The following PDE11A variants were observed in gnomAD, a reference collection of about 807,000 sequenced individuals.
PDE11A encodes the protein phosphodiesterase 11A, also known as dual 3',5'-cyclic-AMP and -GMP phosphodiesterase 11A.
A neutral mutation model predicts 100.5 loss-of-function variants in PDE11A; 100 were observed. The ratio of observed to expected loss-of-function variants is 1.00; its 90% CI spans 0.85 to 1.18. The LOEUF (loss-of-function observed/expected upper bound fraction) is 1.18. Among genes scored for constraint, PDE11A ranks in the 50% most tolerant of loss-of-function variants. The probability of loss-of-function intolerance (pLI) is 0.00; values close to 1 mark genes in which losing one functional copy is unlikely to be tolerated. For synonymous variants in PDE11A, 381 were observed against 420.8 expected (o/e 0.91, Z 1.16); for missense variants, 1,141 against 1,152.6 (o/e 0.99, Z 0.15).
chr2:177,840,141 A>G (rs1379384215), intron 6 of PDE11A, 110 bp downstream of exon 6: 2 of 1,128,390 alleles, frequency 1.8e-6, no homozygotes, highest in Non-Finnish European at 2.6e-6. Flanking sequence ...ATAAGATCAC[A>G]GGGGAAGGAT....
chr2:178,052,044 A>G (rs142475587), intron 1 of PDE11A, among the ~76,000 whole-genome samples: 80,080 of 150,790 alleles, frequency 0.53, 21,479 homozygotes, highest in East Asian at 0.7. Flanking sequence ...CTCCACCGCA[A>G]ATCAACAGAA....
chr2:177,936,789 C>T (rs2085279849), intron 2 of PDE11A, among the ~76,000 whole-genome samples: 1 of 151,938 alleles, frequency 6.6e-6, no homozygotes, highest in Non-Finnish European at 1.5e-5. Context: ...GGTTTGGTTG[C>T]CAGCGCCTGT....
intron 13 of PDE11A, among the ~76,000 whole-genome samples, chr2:177,702,036 TA>T (rs2105542832): frequency 6.6e-6 from 1 of 152,376 alleles, no homozygotes. Context: ...TAGTAGATTG[TA>T]GTCTGTATTA....
chr2:177,762,566 C>A (rs141403357), intron 10 of PDE11A, among the ~76,000 whole-genome samples: 4 of 152,098 alleles, frequency 2.6e-5, no homozygotes, highest in African/African-American at 7.2e-5. Context: ...TTGTTCCTAG[C>A]GCTCTGAAAC....
intron 2 of PDE11A, among the ~76,000 whole-genome samples, chr2:177,987,750 A>C (rs1461490316): frequency 6.6e-6 from 1 of 152,168 alleles, no homozygotes; most frequent in African/African-American, 2.4e-5. Context: ...GACATTTCTC[A>C]GTTGTGTTTT....
At chr2:177,872,688 C>T (rs2105690235) in intron 5 of PDE11A, among the ~76,000 whole-genome samples, 1 of 152,196 alleles carries the variant, frequency 6.6e-6, no homozygotes, top group African/African-American at 2.4e-5. Context: ...ACTAAAGTAT[C>T]TAATAGACAT....
chr2:177,951,001 G>A (rs977760026), intron 2 of PDE11A, among the ~76,000 whole-genome samples: 1 of 152,180 alleles, frequency 6.6e-6, no homozygotes, highest in African/African-American at 2.4e-5. Context: ...TGAAGAAACT[G>A]TGATATAGAC....
intron 18 of PDE11A, among the ~76,000 whole-genome samples, chr2:177,665,031 G>A (rs1166492465): frequency 6.6e-6 from 1 of 152,126 alleles, no homozygotes; most frequent in African/African-American, 2.4e-5. Context: ...TGGGGAGAAG[G>A]TCACTGATTC....
At chr2:177,835,156 A>T (rs556316937) in intron 6 of PDE11A, among the ~76,000 whole-genome samples, 8 of 152,144 alleles carry the variant, frequency 5.3e-5, no homozygotes, top group Non-Finnish European at 1.0e-4. Flanking sequence ...GGTTGCCAGG[A>T]CTTGAAGATA....
intron 2 of PDE11A, among the ~76,000 whole-genome samples, chr2:177,947,042 G>A (rs1287298561): frequency 3.6e-5 from 4 of 111,058 alleles, no homozygotes; most frequent in Admixed American, 8.2e-5. Context: ...CCGGCCAGCC[G>A]CCCCGTCCGG....
chr2:177,925,556 G>A (rs567710533), intron 2 of PDE11A, among the ~76,000 whole-genome samples: 15 of 152,182 alleles, frequency 9.9e-5, no homozygotes, highest in African/African-American at 2.9e-4. Flanking sequence ...CATGTCCTTC[G>A]CCCACTTTTT....
At chr2:178,013,130 A>G (rs1039872018) in intron 2 of PDE11A, among the ~76,000 whole-genome samples, 1 of 152,186 alleles carries the variant, frequency 6.6e-6, no homozygotes, top group East Asian at 1.9e-4. Flanking sequence ...TTTCAGATCC[A>G]AGTGAGAACA....
chr2:177,666,167 A>G (rs915262133), intron 18 of PDE11A, among the ~76,000 whole-genome samples: 1 of 152,218 alleles, frequency 6.6e-6, no homozygotes, highest in Non-Finnish European at 1.5e-5. Flanking sequence ...TATAAATGCA[A>G]TCTTATGATA....
Position 177,814,006 on chromosome 2 carries a change from C to T in PDE11A, c.1737+2823G>A, listed in dbSNP as rs1184568651. Among the ~76,000 whole-genome samples, 6 of 151,944 alleles carry T rather than the reference C, an allele frequency of 3.9e-5. No individual in the cohort carries two copies. In the East Asian group the frequency reaches 9.7e-4, roughly 24 times the overall value. ...ACCTGAGTGGGGAATCTTCCCTTAGCCACAGTGGAAAAGGGGAAAGCACTA... is the reference window on the plus strand; with the variant it reads ...ACCTGAGTGGGGAATCTTCCCTTAGTCACAGTGGAAAAGGGGAAAGCACTA... On this transcript the variant is annotated intron_variant, in intron 9 of 19. Coordinates refer to ENST00000286063, the MANE Select transcript of PDE11A (RefSeq NM_016953.4).
chr2:178,066,480 C>T (rs12618606), intron 1 of PDE11A, among the ~76,000 whole-genome samples: 77,233 of 151,934 alleles, frequency 0.51, 20,268 homozygotes, highest in East Asian at 0.71. Context: ...GGTTCACATA[C>T]AGTCTCCCCT....
chr2:177,981,488 T>C (rs1015952856), intron 2 of PDE11A, among the ~76,000 whole-genome samples: 11 of 150,618 alleles, frequency 7.3e-5, no homozygotes, highest in African/African-American at 2.7e-4. Flanking sequence ...GCATTCTCCC[T>C]GTATCTCTTC....
chr2:178,067,147 A>G (rs1033261215), intron 1 of PDE11A, among the ~76,000 whole-genome samples: 1 of 151,502 alleles, frequency 6.6e-6, no homozygotes, highest in Non-Finnish European at 1.5e-5. Context: ...GCCCATTCCC[A>G]CTGTTCATGC....
intron 2 of PDE11A, among the ~76,000 whole-genome samples, chr2:178,101,049 A>G (rs1290872505): frequency 1.3e-5 from 2 of 152,350 alleles, no homozygotes; most frequent in Non-Finnish European, 2.9e-5. Flanking sequence ...AATAACTGCA[A>G]TACAAGTTTA....
chr2:177,707,374 A>T (rs2081295439), intron 13 of PDE11A, among the ~76,000 whole-genome samples: 1 of 152,230 alleles, frequency 6.6e-6, no homozygotes, highest in African/African-American at 2.4e-5. Flanking sequence ...AGGAAGGCTG[A>T]TTGAATGATA....
Sources: allele counts gnomAD v4.1 joint callset (sites outside exome capture counted in the v4.1 genomes callset), GRCh38; gene constraint gnomAD v4.1.1; transcripts MANE v1.5; gene names NCBI Gene and HGNC (gene_info 2026-07-23, HGNC 2026-07-21).